Variants in SAMD4B observed in about 807,000 individuals in gnomAD.
SAMD4B encodes the protein protein Smaug homolog 2.
A neutral mutation model predicts 74.5 loss-of-function variants in SAMD4B; 5 were observed. The ratio of observed to expected loss-of-function variants is 0.07; its 90% CI spans 0.04 to 0.14. SAMD4B has a LOEUF of 0.14. Ranked by LOEUF, SAMD4B falls within the 10% of genes least tolerant of loss-of-function variation. SAMD4B has a pLI of 1.00. For synonymous variants in SAMD4B, 373 were observed against 374.9 expected (o/e 1.00, Z 0.06); for missense variants, 608 against 921.8 (o/e 0.66, Z 4.41).
intron 3 of SAMD4B, among the ~76,000 whole-genome samples, chr19:39,357,726 C>T (rs1383393690): frequency 1.3e-5 from 2 of 152,152 alleles, no homozygotes; most frequent in African/African-American, 4.8e-5. Context: ...TGAAGCTACT[C>T]TAGCTGTCTG....
chr19:39,365,934 C>T (rs1482348876), intron 3 of SAMD4B, among the ~76,000 whole-genome samples: 1 of 152,166 alleles, frequency 6.6e-6, no homozygotes, highest in Admixed American at 6.5e-5. Context: ...GGCACAGTGG[C>T]TCATGCCTGT....
chr19:39,346,782 A>T (rs1416399031), intron 1 of SAMD4B, among the ~76,000 whole-genome samples: 1 of 152,150 alleles, frequency 6.6e-6, no homozygotes, highest in African/African-American at 2.4e-5. Flanking sequence ...TCTGGACAGG[A>T]TTTGTATCCC....
chr19:39,385,310 C>T lies in SAMD4B; in HGVS notation c.*1783C>T, dbSNP rs1271229517. 5.2e-6 allele frequency: 2 copies of T among 383,408 alleles called. No homozygotes were observed. The highest frequency in any genetic ancestry group is 4.1e-5 in the African/African-American group (2 of 48,208). The allele number at this position is 383,408 out of a possible 1,614,324, so 23.8% of individuals were successfully genotyped here. ...CAGGGTGTCCCTCTCATGGGACCCT[C>T]CCCTCTCCCCAGCCTGTCCTGTCTT... On this transcript the variant is annotated 3_prime_UTR_variant, in exon 14 of 14. Transcript: ENST00000610417.
At chr19:39,350,070 T>C (rs2075940935) in intron 1 of SAMD4B, 2 of 152,216 alleles carry the variant, frequency 1.3e-5, no homozygotes, top group Admixed American at 1.3e-4. Context: ...TTATATATTT[T>C]TGAAATAGAG....
chr19:39,378,636 TGG>T lies in SAMD4B; in HGVS notation c.1530+48_1530+49del. ...TCAAAAAGGGAAAGGCGGCCAGGCG[TGG>T]TGGTTCACGCCTGTAGTCCCAGCAC... On this transcript the variant is annotated intron_variant, in intron 9 of 13. Transcript: ENST00000610417. The surrounding 1 kb of genome is among the most constrained non-coding windows in gnomAD (Gnocchi z 4.4). 10 of 1,566,688 alleles carry T rather than the reference TGG, an allele frequency of 6.4e-6. No homozygotes were observed. Among genetic ancestry groups the T allele is most frequent in the Non-Finnish European group, 8.8e-6 (10 of 1,138,794 alleles).
rs199753892 is a variant in SAMD4B at position 39,381,123 on chromosome 19, C to T, written c.1972+10C>T. On this transcript the variant is annotated intron_variant, in intron 12 of 13. Coordinates refer to ENST00000610417, the MANE Select transcript of SAMD4B (RefSeq NM_001384574.2). ...CTCATGTTCCCTCCAGGTGAGGTGC[C>T]CCACCCTTGGGACTCTGCCTGGCCA... 1.3e-6 allele frequency: 2 copies of T among 1,591,812 alleles called. No homozygotes were observed. The highest frequency in any genetic ancestry group is 4.5e-5 in the East Asian group (2 of 44,686).
At chr19:39,374,732 T>G (rs1314112731) in intron 4 of SAMD4B, among the ~76,000 whole-genome samples, 1 of 152,050 alleles carries the variant, frequency 6.6e-6, no homozygotes, top group Non-Finnish European at 1.5e-5. Flanking sequence ...TCCCAGCTAC[T>G]CGGGAGGCTG....
intron 3 of SAMD4B, among the ~76,000 whole-genome samples, chr19:39,364,838 A>G (rs1473633465): frequency 6.6e-6 from 1 of 152,200 alleles, no homozygotes. Flanking sequence ...GTGAAGACAG[A>G]CAAGGGAATG....
At chr19:39,343,309 G>T (rs1021219212) in intron 1 of SAMD4B, among the ~76,000 whole-genome samples, 1 of 127,466 alleles carries the variant, frequency 7.8e-6, no homozygotes, top group African/African-American at 3.1e-5. Context: ...CATACCCCCT[G>T]CATTTCTGAT....
chr19:39,386,629 C>A, downstream of SAMD4B: 7 of 1,601,810 alleles, frequency 4.4e-6, no homozygotes, highest in Non-Finnish European at 5.1e-6. This position sits in a 1 kb window ranked among gnomAD's most constrained non-coding sequence, Gnocchi z 6.1. Flanking sequence ...GGTTTTTGTC[C>A]CCCTCCTCAC....
intron 8 of SAMD4B, 43 bp downstream of exon 8, chr19:39,377,867 G>T (rs1378358015): frequency 6.5e-7 from 1 of 1,530,744 alleles, no homozygotes; most frequent in East Asian, 2.3e-5. Flanking sequence ...GAGGCAGAAA[G>T]CCAAGTGAAC....
chr19:39,377,274 G>C (rs577977557), intron 7 of SAMD4B, among the ~76,000 whole-genome samples: 2 of 152,138 alleles, frequency 1.3e-5, no homozygotes, highest in East Asian at 1.9e-4. Context: ...CTGGCTTTTC[G>C]TGAGTTCTGT....
At chr19:39,347,577 G>T (rs1033296188) in intron 1 of SAMD4B, among the ~76,000 whole-genome samples, 3 of 152,168 alleles carry the variant, frequency 2.0e-5, no homozygotes, top group African/African-American at 7.2e-5. Flanking sequence ...GATATCACGG[G>T]TGATATGAGG....
chr19:39,387,015 C>A, downstream of SAMD4B: 1 of 605,906 alleles, frequency 1.7e-6, no homozygotes, highest in Admixed American at 2.7e-5. Flanking sequence ...GTTTGGTTGC[C>A]CTACACTGTG....
chr19:39,359,496 C>G (rs552425331), intron 3 of SAMD4B, among the ~76,000 whole-genome samples: 1 of 152,172 alleles, frequency 6.6e-6, no homozygotes, highest in South Asian at 2.1e-4. Context: ...TGTCTTAATA[C>G]ATATGGCCAA....
At chr19:39,387,931 A>G (rs529179018), downstream of SAMD4B, among the ~76,000 whole-genome samples, 1 of 152,272 alleles carries the variant, frequency 6.6e-6, no homozygotes, top group East Asian at 1.9e-4. Context: ...TGAGGTCAGG[A>G]GTTCAAGACC....
rs2077690184 is a variant in SAMD4B at position 39,377,725 on chromosome 19, C to T, written c.1345C>T (p.Pro449Ser). Residue 449 changes from proline (P) to serine (S), a missense_variant, in exon 8 of 14, where the codon CCT becomes TCT. Pro to Ser is a moderately conservative substitution (Grantham distance 74, BLOSUM62 -1). Transcript: ENST00000610417. ...CCCTCCAGCTGTGGAGAACTACCCA[C>T]CTCCACCAGCTCCAGCTCCCACTGA... ...KDPPAVENYP[P>S]PPAPAPTDGS... 6.2e-7 allele frequency: 1 copy of T among 1,614,230 alleles called. No homozygotes were observed. The highest frequency in any genetic ancestry group is 8.5e-7 in the Non-Finnish European group (1 of 1,180,034).
In SAMD4B at chr19:39,383,738, G is replaced by A; in HGVS notation, c.*211G>A. 1 of 1,532,644 alleles carries A rather than the reference G, an allele frequency of 6.5e-7. No individual in the cohort carries two copies. The allele number at this position is 1,532,644 out of a possible 1,614,324, so 94.9% of individuals were successfully genotyped here. A position where few individuals can be genotyped will look rare whatever the true frequency, so the allele number is the denominator to read the frequency against. ...TCGAGGGATCTCTGCTGAGGCCCGG[G>A]GAGTTGGGGGCAGCCAGGATAAAGG... is the stretch of plus-strand genomic sequence containing the variant. On this transcript the variant is annotated 3_prime_UTR_variant, in exon 14 of 14. Transcript: ENST00000610417. The surrounding 1 kb of genome is among the most constrained non-coding windows in gnomAD (Gnocchi z 4.1).
chr19:39,362,528 A>G (rs543276636), intron 3 of SAMD4B, among the ~76,000 whole-genome samples: 27 of 152,276 alleles, frequency 1.8e-4, no homozygotes, highest in Admixed American at 1.7e-3. Context: ...GCAATATTCC[A>G]AGGGTCTCTG....
Sources: gnomAD v4.1 joint callset for allele counts (sites outside exome capture counted in the v4.1 genomes callset) on GRCh38, gnomAD v4.1.1 for gene constraint, Gnocchi (gnomAD v3.1) non-coding constraint, MANE v1.5 for transcripts, NCBI Gene and HGNC (gene_info 2026-07-23, HGNC 2026-07-21) for gene names.